The following SIK3 variants were observed in gnomAD, a reference collection of about 807,000 sequenced individuals.
The protein encoded by SIK3 is SIK family kinase 3.
A neutral mutation model predicts 144.2 loss-of-function variants in SIK3; 28 were observed. That is an observed-to-expected ratio of 0.19 (90% confidence interval 0.14 to 0.27). The LOEUF is 0.27. SIK3 is among the 10% of genes least tolerant of loss of function. The pLI is 1.00. For synonymous variants in SIK3, 686 were observed against 676.3 expected, an observed-to-expected ratio of 1.01 and a Z score of -0.22; for missense variants, 1,319 against 1,776.0, an observed-to-expected ratio of 0.74 and a Z score of 4.62.
At chr11:117,013,911 G>T (rs371967336) in intron 1 of SIK3, among the ~76,000 whole-genome samples, 17,382 of 28,432 alleles carry the variant, frequency 0.61, 6,414 homozygotes, top group African/African-American at 0.7. Flanking sequence ...GGGGGGGGGG[G>T]GAGGGTGTGT....
In SIK3 at chr11:116,862,194, G is replaced by C. The variant is rs373181352; in HGVS notation, c.2229+8C>G. On this transcript the variant is annotated splice_region_variant and intron_variant, in intron 17 of 24. Transcript: ENST00000445177. ...ACAAGTTGGAGAAAGCAAAGAGTGAGGGCCTACTTGAATTTGTTGCTGGAG... is the reference window on the plus strand; with the variant it reads ...ACAAGTTGGAGAAAGCAAAGAGTGACGGCCTACTTGAATTTGTTGCTGGAG... 6.8e-6 allele frequency: 11 copies of C among 1,614,190 alleles called. No individual in the cohort carries two copies. The highest frequency in any genetic ancestry group is 1.7e-5 in the Admixed American group (1 of 60,028).
At chr11:116,847,754 A>C in intron 22 of SIK3, 146 bp from the exon 23 acceptor site, 41 of 856,956 alleles carry the variant, frequency 4.8e-5, no homozygotes, top group Non-Finnish European at 5.8e-5. Context: ...GCACCACCCA[A>C]AGGGGGTGCT....
chr11:116,986,907 A>G (rs1950342425), intron 1 of SIK3, among the ~76,000 whole-genome samples: 1 of 152,186 alleles, frequency 6.6e-6, no homozygotes, highest in Non-Finnish European at 1.5e-5. Context: ...AGCTAAACAA[A>G]TACTGGCTCA....
intron 1 of SIK3, among the ~76,000 whole-genome samples, chr11:117,092,744 T>A (rs564216654): frequency 6.6e-6 from 1 of 152,344 alleles, no homozygotes; most frequent in Admixed American, 6.5e-5. Flanking sequence ...ACAGTGGCTC[T>A]GGTGAGTAGA....
intron 7 of SIK3, among the ~76,000 whole-genome samples, chr11:116,876,610 G>A (rs1944271068): frequency 6.6e-6 from 1 of 152,194 alleles, no homozygotes; most frequent in Non-Finnish European, 1.5e-5. Context: ...AGAAGCCACT[G>A]AATTGAGCAC....
At chr11:116,991,068 T>C (rs1950484424) in intron 1 of SIK3, among the ~76,000 whole-genome samples, 1 of 152,176 alleles carries the variant, frequency 6.6e-6, no homozygotes, top group African/African-American at 2.4e-5. Context: ...TAAACCAAAG[T>C]TTAAGGCTCA....
chr11:116,897,294 T>C lies in SIK3; in HGVS notation c.640A>G (p.Thr214Ala). ...CAGGTCTTCAGCAGCTGCCCAGGAG[T>C]GAAGAGGTTACTGAAACCAAAATCT... ...IADFGFSNLF[T>A]PGQLLKTWCG... Residue 214 changes from threonine to alanine, a missense_variant, in exon 5 of 25, where the codon ACT becomes GCT. This residue lies in a region of SIK3 where 125 missense variants were observed against 285.2 expected (regional missense o/e 0.44). Transcript: ENST00000445177. The C allele has an allele frequency of 6.2e-7, 1 of 1,613,598 alleles. No homozygotes were observed. The highest frequency in any genetic ancestry group is 8.5e-7 in the Non-Finnish European group (1 of 1,179,796).
chr11:116,888,653 T>C lies in SIK3; in HGVS notation c.865+7600A>G, dbSNP rs936285945. Among the ~76,000 whole-genome samples the C allele has an allele frequency of 3.9e-5, 6 of 152,218 alleles. 1 individual carries two copies. The highest frequency in any genetic ancestry group is 7.3e-5 in the Non-Finnish European group (5 of 68,040). ...GGCCAGAGAGATCATATTGGTAATA[T>C]AGCAAGTATCTACTGACTTCCTACC... On this transcript the variant is annotated intron_variant, in intron 6 of 24. Transcript: ENST00000445177.
chr11:116,933,497 CT>C (rs1299415753), intron 3 of SIK3, among the ~76,000 whole-genome samples: 1 of 152,198 alleles, frequency 6.6e-6, no homozygotes, highest in Non-Finnish European at 1.5e-5. Context: ...CAAGAGTTTC[CT>C]TATCCATTCA....
intron 1 of SIK3, among the ~76,000 whole-genome samples, chr11:117,031,374 T>C (rs1252906136): frequency 1.3e-5 from 2 of 151,420 alleles, no homozygotes; most frequent in Admixed American, 1.3e-4. Context: ...TCCTTTTTTT[T>C]TTTTTGTCTT....
chr11:116,987,971 C>T (rs189659479), intron 1 of SIK3, among the ~76,000 whole-genome samples: 1 of 152,268 alleles, frequency 6.6e-6, no homozygotes, highest in Admixed American at 6.5e-5. Flanking sequence ...GACGTTACCT[C>T]GACACAGCAC....
intron 3 of SIK3, among the ~76,000 whole-genome samples, chr11:116,939,026 T>C (rs1265388780): frequency 6.6e-6 from 1 of 152,228 alleles, no homozygotes; most frequent in African/African-American, 2.4e-5. Flanking sequence ...ATCAAGCATT[T>C]ATCTTGTCAT....
intron 3 of SIK3, among the ~76,000 whole-genome samples, chr11:116,932,215 A>G (rs913580590): frequency 1.3e-5 from 2 of 152,042 alleles, no homozygotes; most frequent in Non-Finnish European, 1.5e-5. Context: ...TTTCTGCAAT[A>G]ACCTCCTAGG....
chr11:116,854,705 A>C (rs977152869), intron 21 of SIK3, among the ~76,000 whole-genome samples: 3 of 152,216 alleles, frequency 2.0e-5, no homozygotes, highest in Admixed American at 1.3e-4. Flanking sequence ...TGGTGGGGGC[A>C]CAGCATTATA....
At position 116,944,722 on chromosome 11, in the gene SIK3, G is replaced by C. The variant is rs570155612; in HGVS notation, c.454+9322C>G. On this transcript the variant is annotated intron_variant, in intron 3 of 24. Transcript: ENST00000445177. Reference sequence around the variant, plus strand: ...ATTAAACCAAACCGGGAGTATATTAGCTTTCAGTGAATTTTGTGAATCCTT... The same window carrying C: ...ATTAAACCAAACCGGGAGTATATTACCTTTCAGTGAATTTTGTGAATCCTT... Among the ~76,000 whole-genome samples, 4 of 152,176 alleles carry C rather than the reference G, an allele frequency of 2.6e-5. No individual in the cohort carries two copies. In the East Asian group the frequency reaches 7.7e-4, roughly 29 times the overall value.
chr11:116,903,469 A>G lies in SIK3; in HGVS notation c.617-6152T>C, dbSNP rs1945845891. ...ATAGACAACTGGAAAAAATTGAAAG[A>G]TCATCCAAGTTGGAGGAAAAAAATT... On this transcript the variant is annotated intron_variant, in intron 4 of 24. Transcript: ENST00000445177. Among the ~76,000 whole-genome samples the G allele has an allele frequency of 3.3e-5, 5 of 152,220 alleles. No homozygotes were observed. In the South Asian group the frequency reaches 1.0e-3, roughly 31 times the overall value.
In SIK3 at chr11:117,095,397, T is replaced by C. The variant is rs926005546; in HGVS notation, c.273+2746A>G. 7.9e-5 allele frequency among the ~76,000 whole-genome samples: 12 copies of C among 151,718 alleles called. 1 individual carries two copies. The highest frequency in any genetic ancestry group is 7.9e-4 in the Admixed American group (12 of 15,224). ...CACCTCTAAAAGACAAAACAACAAA[T>C]GACACATTCTGGAGACAGATGGGGG... On this transcript the variant is annotated intron_variant, in intron 1 of 24. Transcript: ENST00000445177.
chr11:116,902,829 T>G (rs776305754), intron 4 of SIK3, among the ~76,000 whole-genome samples: 2 of 152,130 alleles, frequency 1.3e-5, no homozygotes, highest in Non-Finnish European at 2.9e-5. Context: ...ATGGGCAGAT[T>G]CCTTTAATTA....
Position 116,845,613 on chromosome 11 carries a change from C to CA in SIK3, c.*29dup, listed in dbSNP as rs1225950633. The CA allele has an allele frequency of 6.6e-6, 1 of 152,224 alleles. No homozygotes were observed. Among genetic ancestry groups the CA allele is most frequent in the Non-Finnish European group, 1.5e-5 (1 of 68,042 alleles). 9.4% of individuals were successfully genotyped at this position (152,224 alleles called of 1,614,324 possible). ...GGTTTACAATCAACCTTTTCATTCC[C>CA]AAGCTGTACACAAAACCTGGAATAA... On this transcript the variant is annotated 3_prime_UTR_variant, in exon 25 of 25. Transcript: ENST00000445177.
Sources: gnomAD v4.1 joint callset for allele counts (sites outside exome capture counted in the v4.1 genomes callset) on GRCh38, gnomAD v4.1.1 for gene constraint, gnomAD v4.1.1 regional missense constraint, MANE v1.5 for transcripts, NCBI Gene and HGNC (gene_info 2026-07-23, HGNC 2026-07-21) for gene names.